AKAP9: variants seen among roughly 807,000 people sequenced by gnomAD.
The protein encoded by AKAP9 is A-kinase anchoring protein 9.
AKAP9 carries 311 observed loss-of-function variants against 488.5 expected under a neutral mutation model. That is an observed-to-expected ratio of 0.64 (90% CI 0.58 to 0.70). The LOEUF is 0.70. Ranked by LOEUF, AKAP9 falls within the 30% of genes least tolerant of loss-of-function variation. AKAP9 has a pLI of 0.00. For synonymous variants in AKAP9, 1,462 were observed against 1,483.5 expected, an observed-to-expected ratio of 0.99 and a Z score of 0.33; for missense variants, 4,215 against 4,374.5, an observed-to-expected ratio of 0.96 and a Z score of 1.03.
chr7:92,022,338 A>G lies in AKAP9; in HGVS notation c.3938A>G (p.Asn1313Ser), dbSNP rs149641207. 14 of 1,606,416 alleles carry G rather than the reference A, an allele frequency of 8.7e-6. No homozygotes were observed. Among genetic ancestry groups the G allele is most frequent in the African/African-American group, 5.4e-5 (4 of 74,704 alleles). ...EFLSIHSQMT[N>S]LEDIDVNHKS... The stretch of plus-strand genomic sequence containing the variant: ...TTATCAATCCATTCTCAGATGACCA[A>G]TTTGGAAGACATTGGTAAATTTTGA... The change falls in exon 13 of 50, where the codon AAT (asparagine) becomes AGT (serine). Residue 1313 changes from asparagine (N) to serine (S), a missense_variant. Transcript: ENST00000356239.
At chr7:92,085,292 CT>C (rs1814328010) in intron 35 of AKAP9, among the ~76,000 whole-genome samples, 1 of 152,118 alleles carries the variant, frequency 6.6e-6, no homozygotes, top group South Asian at 2.1e-4. Context: ...ACAGAAGGAA[CT>C]TAGAGATGAG....
chr7:91,952,491 G>A (rs1792384495), intron 1 of AKAP9, among the ~76,000 whole-genome samples: 1 of 152,192 alleles, frequency 6.6e-6, no homozygotes, highest in Admixed American at 6.5e-5. Context: ...GTTAGGGAAG[G>A]CTTTCTGGAT....
chr7:92,103,085 G>A (rs575880109), intron 46 of AKAP9, among the ~76,000 whole-genome samples: 3 of 152,130 alleles, frequency 2.0e-5, no homozygotes, highest in African/African-American at 4.8e-5. Context: ...ATCCAATCAC[G>A]GCTGCCTTTT....
At chr7:91,976,249 G>A (rs1795671821) in intron 2 of AKAP9, among the ~76,000 whole-genome samples, 2 of 151,956 alleles carry the variant, frequency 1.3e-5, no homozygotes, top group South Asian at 4.2e-4. Flanking sequence ...TTTGAGACAG[G>A]ATCTCACTCT....
At position 92,079,166 on chromosome 7, in the gene AKAP9, A is replaced by C; in HGVS notation, c.7033A>C (p.Arg2345=). The change falls in exon 31 of 50, where the codon AGA becomes CGA. Residue 2345 remains arginine, a synonymous_variant. Coordinates refer to ENST00000356239, the MANE Select transcript of AKAP9 (RefSeq NM_005751.5). The stretch of plus-strand genomic sequence containing the variant: ...TGATCAAGAATGTGTGAAGAGAAAT[A>C]GAGAAGAAGAAATAGAGCAGCTCAA... ...MSDQECVKRN[R]EEEIEQLNEV... is the part of the protein sequence containing the mutation. 1 of 1,614,004 alleles carries C rather than the reference A, an allele frequency of 6.2e-7. No individual in the cohort carries two copies. Among genetic ancestry groups the C allele is most frequent in the South Asian group, 1.1e-5 (1 of 91,046 alleles).
rs780872803 is a variant in AKAP9, at chr7:92,070,299, T to C, written c.6507+93T>C. On this transcript the variant is annotated intron_variant, in intron 27 of 49. Coordinates refer to ENST00000356239, the MANE Select transcript of AKAP9 (RefSeq NM_005751.5). ...CTTGTAGGTATTATTACATATTATG[T>C]TTATATCTCTGTTGACATTGTAACC... The C allele has an allele frequency of 8.4e-6, 11 of 1,310,188 alleles. No individual in the cohort carries two copies. The Admixed American group carries it at 1.0e-4, about 12-fold the overall frequency. 81.2% of individuals were successfully genotyped at this position (1,310,188 alleles called of 1,614,324 possible).
At chr7:92,086,887 A>G (rs762906632) in intron 37 of AKAP9, among the ~76,000 whole-genome samples, 4 of 152,152 alleles carry the variant, frequency 2.6e-5, no homozygotes, top group Non-Finnish European at 4.4e-5. Context: ...CAACAGCACT[A>G]TAACTCATGC....
chr7:92,079,473 C>G lies in AKAP9; in HGVS notation c.7340C>G (p.Pro2447Arg). 1 of 1,613,926 alleles carries G rather than the reference C, an allele frequency of 6.2e-7. No homozygotes were observed. The highest frequency in any genetic ancestry group is 8.5e-7 in the Non-Finnish European group (1 of 1,179,986). The change falls in exon 31 of 50, where the codon CCA (proline) becomes CGA (arginine). Residue 2447 changes from proline (P) to arginine (R), a missense_variant. Pro to Arg is a moderately radical substitution (Grantham distance 103). Transcript: ENST00000356239. ...RESVEKIQSI[P>R]ENSVNVAIDH... ...AGTGTGGAAAAGATTCAAAGCATAC[C>G]AGAGAATAGTGTTAACGTGGCTATA...
Position 92,001,018 on chromosome 7 carries a change from G to T in AKAP9, c.1101G>T (p.Val367=). The change falls in exon 8 of 50, where the codon GTG becomes GTT. Residue 367 remains valine (V), a synonymous_variant. Transcript: ENST00000356239. The stretch of plus-strand genomic sequence containing the variant: ...TAGGAGAATTACAAGAACAGATTGT[G>T]CAAAAGAACCAAGAAATAAAAAACA... ...KLLGELQEQI[V]QKNQEIKNMK... 1 of 1,567,268 alleles carries T rather than the reference G, an allele frequency of 6.4e-7. No individual in the cohort carries two copies. The highest frequency in any genetic ancestry group is 8.6e-7 in the Non-Finnish European group (1 of 1,157,576).
intron 2 of AKAP9, among the ~76,000 whole-genome samples, chr7:91,975,059 C>G (rs1490482260): frequency 6.6e-6 from 1 of 152,128 alleles, no homozygotes; most frequent in African/African-American, 2.4e-5. Context: ...GCCATGTTGC[C>G]CAGGCTGGTC....
Position 92,107,347 on chromosome 7 carries a change from G to A in AKAP9, c.11471G>A (p.Gly3824Glu), listed in dbSNP as rs369061534. Residue 3824 changes from glycine (G) to glutamate (E), a missense_variant, in exon 48 of 50, where the codon GGA becomes GAA. Physicochemically the swap from Gly to Glu is moderately conservative, Grantham distance 98. Transcript: ENST00000356239. ...YHSSGGLELY[G>E]EPRHTTYRSR... ...TCTTCTGGTGGGCTGGAGTTATATG[G>A]AGAACCAAGACATACTACGTATCGC... The A allele has an allele frequency of 1.3e-5, 21 of 1,613,732 alleles. No homozygotes were observed. The highest frequency in any genetic ancestry group is 1.7e-5 in the Non-Finnish European group (20 of 1,179,862).
rs756752696 is a variant in AKAP9, at chr7:92,038,763, TAGAC to T, written c.4686_4689del (p.Arg1562SerfsTer18). The T allele has an allele frequency of 4.4e-6, 7 of 1,601,068 alleles. No homozygotes were observed. Among genetic ancestry groups the T allele is most frequent in the African/African-American group, 1.3e-5 (1 of 74,346 alleles). ...TCTCCAAAGATAAAACATTTATAGTTAGACAGTCTGTAAGTATGCCTCCTTGAAT... is the reference window on the plus strand; with the variant it reads ...TCTCCAAAGATAAAACATTTATAGTTAGTCTGTAAGTATGCCTCCTTGAAT... On this transcript the variant is annotated frameshift_variant, in exon 17 of 50. Coordinates refer to ENST00000356239, the MANE Select transcript of AKAP9 (RefSeq NM_005751.5). LOFTEE classifies it high-confidence loss of function.
chr7:91,991,063 A>T (rs1441040324), intron 3 of AKAP9, among the ~76,000 whole-genome samples: 1 of 152,154 alleles, frequency 6.6e-6, no homozygotes, highest in Non-Finnish European at 1.5e-5. Context: ...ACCATAGTGT[A>T]TATAGGGTTC....
chr7:92,016,326 C>T (rs1801505678), intron 11 of AKAP9, 59 bp downstream of exon 11: 6 of 1,223,262 alleles, frequency 4.9e-6, no homozygotes, highest in Non-Finnish European at 4.5e-6. Flanking sequence ...TAATTGATGA[C>T]AGATTTTTAC....
chr7:92,078,928 G>A, intron 30 of AKAP9, 151 bp from the exon 31 acceptor site: 1 of 546,514 alleles, frequency 1.8e-6, no homozygotes, highest in South Asian at 2.4e-5. Flanking sequence ...GGAGATATTG[G>A]TCTATAATGA....
At chr7:91,984,113 T>C (rs1465994236) in intron 3 of AKAP9, among the ~76,000 whole-genome samples, 1 of 152,240 alleles carries the variant, frequency 6.6e-6, no homozygotes, top group Non-Finnish European at 1.5e-5. Context: ...TTTCTTTTGC[T>C]GTGCAGAAGC....
chr7:92,056,752 C>T (rs1364910974), intron 22 of AKAP9, among the ~76,000 whole-genome samples: 1 of 151,730 alleles, frequency 6.6e-6, no homozygotes. Context: ...GGTTTGAGTA[C>T]TGGTTTAAAC....
chr7:92,087,924 T>G (rs138171525), intron 37 of AKAP9, among the ~76,000 whole-genome samples: 1 of 151,750 alleles, frequency 6.6e-6, no homozygotes, highest in East Asian at 1.9e-4. Flanking sequence ...TACCATGGAA[T>G]GACAGCTAGT....
intron 1 of AKAP9, among the ~76,000 whole-genome samples, chr7:91,954,663 G>A (rs953478391): frequency 2.0e-5 from 3 of 152,088 alleles, no homozygotes; most frequent in Non-Finnish European, 4.4e-5. Flanking sequence ...TAGCCTAGAG[G>A]CTCCCAAATT....
Sources: allele counts gnomAD v4.1 joint callset (sites outside exome capture counted in the v4.1 genomes callset), GRCh38; gene constraint gnomAD v4.1.1; transcripts MANE v1.5; gene names NCBI Gene and HGNC (gene_info 2026-07-23, HGNC 2026-07-21).